VWA8: variants seen among roughly 807,000 people sequenced by gnomAD.
The protein encoded by VWA8 is von Willebrand factor A domain-containing protein 8.
Under a neutral mutation model 241.5 loss-of-function variants are expected in VWA8, and 221 were observed. That is an observed-to-expected ratio of 0.91 (90% CI 0.82 to 1.02). The LOEUF (loss-of-function observed/expected upper bound fraction) is 1.02. Ranked by LOEUF, VWA8 falls within the 50% of genes least tolerant of loss-of-function variation. The probability of loss-of-function intolerance (pLI) is 0.00; values close to 1 mark genes in which losing one functional copy is unlikely to be tolerated. For synonymous variants in VWA8, 852 were observed against 827.1 expected (o/e 1.03, Z -0.52); for missense variants, 2,322 against 2,328.7 (o/e 1.00, Z 0.06).
At chr13:41,576,612 T>A (rs1678016927) in intron 42 of VWA8, among the ~76,000 whole-genome samples, 1 of 152,292 alleles carries the variant, frequency 6.6e-6, no homozygotes, top group East Asian at 1.9e-4. Flanking sequence ...GGGGGAGAGA[T>A]GTGGCTAGGG....
rs755693460 is a variant in VWA8 at position 41,568,236 on chromosome 13, T to TA, written c.5678dup (p.Leu1893PhefsTer27). 1.2e-6 allele frequency: 2 copies of TA among 1,614,092 alleles called. No homozygotes were observed. Among genetic ancestry groups the TA allele is most frequent in the African/African-American group, 1.3e-5 (1 of 75,000 alleles). On this transcript the variant is annotated frameshift_variant, in exon 45 of 45. Coordinates refer to ENST00000379310, the MANE Select transcript of VWA8 (RefSeq NM_015058.2). LOFTEE classifies it high-confidence loss of function. The stretch of plus-strand genomic sequence containing the variant: ...ACATGGTGGAGGTGAAGATCTGTTG[T>TA]AAAATCTGAGGGATATCCTTGGTAT...
rs1459839528 is a variant in VWA8 at position 41,703,286 on chromosome 13, A to C, written c.3225+17T>G. The C allele has an allele frequency of 1.3e-6, 2 of 1,595,296 alleles. No individual in the cohort carries two copies. Among genetic ancestry groups the C allele is most frequent in the Non-Finnish European group, 1.7e-6 (2 of 1,163,270 alleles). On this transcript the variant is annotated intron_variant, in intron 27 of 44. Coordinates refer to ENST00000379310, the MANE Select transcript of VWA8 (RefSeq NM_015058.2). ...ATAAGGTTCAATATTTTAAGAGAGA[A>C]TAATGATGATATCAACCTTTATGTC...
At chr13:41,700,539 C>T (rs2045242899) in intron 28 of VWA8, among the ~76,000 whole-genome samples, 1 of 152,072 alleles carries the variant, frequency 6.6e-6, no homozygotes, top group African/African-American at 2.4e-5. Context: ...TAATATAGGG[C>T]ACTGGGAATA....
At chr13:41,660,101 C>A (rs1030127195) in intron 37 of VWA8, among the ~76,000 whole-genome samples, 1 of 152,050 alleles carries the variant, frequency 6.6e-6, no homozygotes, top group Non-Finnish European at 1.5e-5. Flanking sequence ...GTGAATGGAA[C>A]TGATGATCAC....
chr13:41,855,048 T>C (rs1458977504), intron 12 of VWA8, among the ~76,000 whole-genome samples: 1 of 152,060 alleles, frequency 6.6e-6, no homozygotes, highest in African/African-American at 2.4e-5. Context: ...CTAAACAGCA[T>C]AATTTCAATA....
At chr13:41,798,815 C>G (rs745749721) in intron 17 of VWA8, among the ~76,000 whole-genome samples, 14 of 152,112 alleles carry the variant, frequency 9.2e-5, no homozygotes, top group Non-Finnish European at 1.6e-4. Flanking sequence ...TATTAACAAC[C>G]CTTTCAGGTT....
At chr13:41,936,253 C>T (rs1310458602) in intron 2 of VWA8, among the ~76,000 whole-genome samples, 1 of 152,054 alleles carries the variant, frequency 6.6e-6, no homozygotes, top group Admixed American at 6.6e-5. Flanking sequence ...TGCTATCTTG[C>T]TATATAATTT....
At chr13:41,813,837 G>T (rs9566856) in intron 16 of VWA8, among the ~76,000 whole-genome samples, 9,821 of 151,930 alleles carry the variant, frequency 0.065, 398 homozygotes, top group East Asian at 0.12. Context: ...AATTCCTAAT[G>T]TATTTAACAT....
chr13:41,604,541 T>C (rs1252110505), intron 40 of VWA8, among the ~76,000 whole-genome samples: 1 of 151,846 alleles, frequency 6.6e-6, no homozygotes, highest in Admixed American at 6.6e-5. Context: ...TTAGCAAAAA[T>C]AATAAAACTT....
chr13:41,891,660 T>C, intron 4 of VWA8, 73 bp from the exon 5 acceptor site: 1 of 1,526,212 alleles, frequency 6.6e-7, no homozygotes, highest in South Asian at 1.2e-5. Context: ...TACTTGTAAT[T>C]CAAATTTAAG....
intron 20 of VWA8, among the ~76,000 whole-genome samples, chr13:41,763,353 AG>A (rs1282302582): frequency 6.6e-6 from 1 of 152,050 alleles, no homozygotes; most frequent in Non-Finnish European, 1.5e-5. Flanking sequence ...AGATAGATAA[AG>A]TGGGATAAAT....
chr13:41,642,594 T>C (rs537556607), intron 37 of VWA8, among the ~76,000 whole-genome samples: 4 of 149,868 alleles, frequency 2.7e-5, no homozygotes, highest in Non-Finnish European at 5.9e-5. Context: ...AAAGAAAAAT[T>C]AAAAAGAAAA....
rs1344284187 is a variant in VWA8, at chr13:41,611,532, C to T, written c.4877+44G>A. On this transcript the variant is annotated intron_variant, in intron 39 of 44. Transcript: ENST00000379310. The stretch of plus-strand genomic sequence containing the variant: ...TTCCCCACAGTCCATCATGACATTT[C>T]ACCATAGCAGTAGTGCTGGTCTAAA... 1.9e-6 allele frequency: 3 copies of T among 1,598,456 alleles called. No homozygotes were observed. The Admixed American group carries it at 5.1e-5, about 27-fold the overall frequency.
intron 37 of VWA8, among the ~76,000 whole-genome samples, chr13:41,633,696 T>G (rs1387807466): frequency 2.0e-5 from 3 of 152,074 alleles, no homozygotes; most frequent in Non-Finnish European, 4.4e-5. Flanking sequence ...TGATATATAT[T>G]TACATTATAT....
At chr13:41,841,582 C>T (rs1435924075) in intron 12 of VWA8, among the ~76,000 whole-genome samples, 1 of 150,080 alleles carries the variant, frequency 6.7e-6, no homozygotes, top group Non-Finnish European at 1.5e-5. Context: ...GTCAGGAGAT[C>T]GAGACCATCC....
intron 19 of VWA8, 75 bp downstream of exon 19, chr13:41,783,720 G>T: frequency 5.2e-6 from 5 of 963,104 alleles, no homozygotes; most frequent in Admixed American, 5.0e-5. Flanking sequence ...ATAATTACAT[G>T]TCAATTTCAC....
chr13:41,847,618 T>C (rs1872347145), intron 12 of VWA8, among the ~76,000 whole-genome samples: 1 of 152,106 alleles, frequency 6.6e-6, no homozygotes, highest in Non-Finnish European at 1.5e-5. Context: ...AAAATACTGG[T>C]CCCACCTCCC....
chr13:41,868,730 G>GA (rs1370499015), intron 9 of VWA8, among the ~76,000 whole-genome samples: 4 of 151,158 alleles, frequency 2.6e-5, no homozygotes, highest in African/African-American at 7.3e-5. Context: ...CTAAAAAATA[G>GA]AAAAAAAATT....
chr13:41,575,405 T>C (rs551934355), intron 43 of VWA8, among the ~76,000 whole-genome samples: 7 of 152,230 alleles, frequency 4.6e-5, no homozygotes, highest in African/African-American at 7.2e-5. Flanking sequence ...CCAAAAACTA[T>C]TGAAATAAAA....
Sources: allele counts gnomAD v4.1 joint callset (sites outside exome capture counted in the v4.1 genomes callset), GRCh38; gene constraint gnomAD v4.1.1; transcripts MANE v1.5; gene names NCBI Gene and HGNC (gene_info 2026-07-23, HGNC 2026-07-21).